RSRC1: variants seen among roughly 807,000 people sequenced by gnomAD.
The protein encoded by RSRC1 is arginine and serine rich coiled-coil 1.
RSRC1 carries 39 observed loss-of-function variants against 49.1 expected under a neutral mutation model. That is an observed-to-expected ratio of 0.79 (90% CI 0.61 to 1.04). RSRC1 has a LOEUF of 1.04. Among genes scored for constraint, RSRC1 ranks in the 50% least tolerant of loss-of-function variants. RSRC1 has a pLI of 0.00. For synonymous variants in RSRC1, 143 were observed against 130.8 expected, an observed-to-expected ratio of 1.09 and a Z score of -0.63; for missense variants, 388 against 402.4, an observed-to-expected ratio of 0.96 and a Z score of 0.31.
At chr3:158,185,100 G>C (rs1166019045) in intron 3 of RSRC1, among the ~76,000 whole-genome samples, 1 of 151,842 alleles carries the variant, frequency 6.6e-6, no homozygotes, top group Non-Finnish European at 1.5e-5. Flanking sequence ...TTGCACATTA[G>C]AAAACATGTT....
intron 4 of RSRC1, among the ~76,000 whole-genome samples, chr3:158,283,785 A>G (rs966383121): frequency 1.3e-5 from 2 of 152,176 alleles, no homozygotes; most frequent in African/African-American, 2.4e-5. Flanking sequence ...ATTGCCCTCC[A>G]GAAAACCTGT....
At chr3:158,305,791 AG>A (rs1398589149) in intron 5 of RSRC1, among the ~76,000 whole-genome samples, 4 of 152,116 alleles carry the variant, frequency 2.6e-5, no homozygotes, top group Non-Finnish European at 5.9e-5. Flanking sequence ...GGAAGAGCAC[AG>A]CACAAGGAGT....
intron 7 of RSRC1, among the ~76,000 whole-genome samples, chr3:158,493,363 A>G (rs957777207): frequency 4.6e-5 from 7 of 152,122 alleles, no homozygotes; most frequent in Admixed American, 2.0e-4. Context: ...GTTTTCTGTT[A>G]TGGGGTGAGA....
At chr3:158,409,569 A>AGCTC (rs1734323588) in intron 6 of RSRC1, among the ~76,000 whole-genome samples, 1 of 152,116 alleles carries the variant, frequency 6.6e-6, no homozygotes, top group Admixed American at 6.6e-5. Flanking sequence ...CTAGAAAGTG[A>AGCTC]GCTCCCTAAA....
At chr3:158,290,245 G>A (rs1726845784) in intron 4 of RSRC1, among the ~76,000 whole-genome samples, 1 of 151,888 alleles carries the variant, frequency 6.6e-6, no homozygotes, top group Non-Finnish European at 1.5e-5. Context: ...AAATAGTAGA[G>A]CTGAAATTAG....
In RSRC1 at chr3:158,234,443, T is replaced by C. The variant is rs181445504; in HGVS notation, c.494+31198T>C. The stretch of plus-strand genomic sequence containing the variant: ...AAAACATTATTTAGAACTTCTTTAG[T>C]CATTTGATGATTCATGTTTTGATGG... On this transcript the variant is annotated intron_variant, in intron 4 of 9. Coordinates refer to ENST00000611884, the MANE Select transcript of RSRC1 (RefSeq NM_001271838.2). Among the ~76,000 whole-genome samples the C allele has an allele frequency of 7.1e-3, 1,087 of 152,304 alleles. 9 individuals are homozygous for C. Among genetic ancestry groups the C allele is most frequent in the Non-Finnish European group, 8.1e-3 (549 of 68,018 alleles).
chr3:158,392,137 T>A (rs531974412), intron 6 of RSRC1, among the ~76,000 whole-genome samples: 149 of 152,184 alleles, frequency 9.8e-4, no homozygotes, highest in Non-Finnish European at 1.5e-3. Flanking sequence ...TAAAAACTGA[T>A]TATAATGTAC....
At chr3:158,114,764 T>A (rs180993951) in intron 1 of RSRC1, among the ~76,000 whole-genome samples, 2 of 152,284 alleles carry the variant, frequency 1.3e-5, no homozygotes, top group Admixed American at 1.3e-4. Flanking sequence ...TTATAGCAGT[T>A]GTAAATGGGA....
At chr3:158,434,356 A>AT (rs1735932783) in intron 6 of RSRC1, among the ~76,000 whole-genome samples, 1 of 147,420 alleles carries the variant, frequency 6.8e-6, no homozygotes. Flanking sequence ...AAAGCCTGAC[A>AT]TTTTCTGTTT....
intron 1 of RSRC1, among the ~76,000 whole-genome samples, chr3:158,113,513 C>T (rs1307636808): frequency 1.3e-5 from 2 of 151,860 alleles, no homozygotes; most frequent in African/African-American, 4.8e-5. Flanking sequence ...GGATTACAGG[C>T]ACGCTTCACC....
At chr3:158,170,165 G>T (rs75776190) in intron 3 of RSRC1, among the ~76,000 whole-genome samples, 4,571 of 152,088 alleles carry the variant, frequency 0.03, 94 homozygotes, top group Non-Finnish European at 0.043. Flanking sequence ...TGTTCACCTG[G>T]CTTATTTTTA....
intron 5 of RSRC1, among the ~76,000 whole-genome samples, chr3:158,353,995 C>CTTCTTTTTT (rs1731015929): frequency 3.1e-5 from 3 of 96,302 alleles, no homozygotes; most frequent in Non-Finnish European, 5.8e-5. Context: ...GTTTCTTTTT[C>CTTCTTTTTT]TTTTTTTTTT....
intron 3 of RSRC1, among the ~76,000 whole-genome samples, chr3:158,195,072 C>T (rs1248126803): frequency 6.6e-6 from 1 of 152,184 alleles, no homozygotes; most frequent in Non-Finnish European, 1.5e-5. Flanking sequence ...GGAATAGCCA[C>T]ACTGTCTTCC....
chr3:158,495,952 A>G (rs1739300699), intron 7 of RSRC1, among the ~76,000 whole-genome samples: 2 of 152,246 alleles, frequency 1.3e-5, no homozygotes, highest in East Asian at 3.8e-4. Flanking sequence ...TACAATTACA[A>G]ATATAATGTG....
At chr3:158,488,363 A>G (rs1372415785) in intron 7 of RSRC1, among the ~76,000 whole-genome samples, 2 of 152,184 alleles carry the variant, frequency 1.3e-5, no homozygotes, top group African/African-American at 4.8e-5. Flanking sequence ...TACAATTAAT[A>G]GCATCTTAGA....
chr3:158,440,875 GA>G (rs961276252), intron 6 of RSRC1, among the ~76,000 whole-genome samples: 1 of 152,026 alleles, frequency 6.6e-6, no homozygotes, highest in African/African-American at 2.4e-5. Flanking sequence ...CCAGGAGGCA[GA>G]GCTTGCAGAG....
chr3:158,284,925 T>C (rs1726422778), intron 4 of RSRC1, among the ~76,000 whole-genome samples: 1 of 152,148 alleles, frequency 6.6e-6, no homozygotes, highest in Admixed American at 6.6e-5. Flanking sequence ...ATTTTGGCTT[T>C]TGTTGCCATT....
chr3:158,503,894 G>A (rs956940497), intron 7 of RSRC1, among the ~76,000 whole-genome samples: 12 of 152,120 alleles, frequency 7.9e-5, no homozygotes, highest in Non-Finnish European at 1.2e-4. Flanking sequence ...TGGCCAGGAG[G>A]CTTCCCATCC....
At chr3:158,415,804 G>T (rs149497906) in intron 6 of RSRC1, among the ~76,000 whole-genome samples, 1 of 151,870 alleles carries the variant, frequency 6.6e-6, no homozygotes, top group East Asian at 1.9e-4. Flanking sequence ...ATAAATTATT[G>T]TTATAATTGG....
Sources: allele counts gnomAD v4.1 joint callset (sites outside exome capture counted in the v4.1 genomes callset), GRCh38; gene constraint gnomAD v4.1.1; transcripts MANE v1.5; gene names NCBI Gene and HGNC (gene_info 2026-07-23, HGNC 2026-07-21).